The following DNAH12 variants were observed in gnomAD, a reference collection of about 807,000 sequenced individuals.
DNAH12 encodes dynein axonemal heavy chain 12.
DNAH12 carries 285 observed loss-of-function variants against 371.5 expected under a neutral mutation model. The ratio of observed to expected loss-of-function variants is 0.77; its 90% CI spans 0.70 to 0.85. The LOEUF (loss-of-function observed/expected upper bound fraction) is 0.85, where lower values mean the gene tolerates loss of function less well. Among genes scored for constraint, DNAH12 ranks in the 40% least tolerant of loss-of-function variants. DNAH12 has a pLI of 0.00. For synonymous variants in DNAH12, 1,200 were observed against 1,213.0 expected (o/e 0.99, Z 0.22); for missense variants, 3,611 against 3,689.4 (o/e 0.98, Z 0.55).
chr3:57,510,598 C>T (rs2067953789), intron 5 of DNAH12, among the ~76,000 whole-genome samples, 192 bp downstream of exon 5: 1 of 152,074 alleles, frequency 6.6e-6, no homozygotes, highest in South Asian at 2.1e-4. Flanking sequence ...CGAAATAGCA[C>T]CACTGCACTC....
In DNAH12 at chr3:57,509,174, C is replaced by T; in HGVS notation, c.508G>A (p.Glu170Lys). 1 of 1,613,830 alleles carries T rather than the reference C, an allele frequency of 6.2e-7. No individual in the cohort carries two copies. Among genetic ancestry groups the T allele is most frequent in the Non-Finnish European group, 8.5e-7 (1 of 1,179,952 alleles). The change falls in exon 6 of 74, where the codon GAA becomes AAA. Residue 170 changes from glutamate (E) to lysine (K), a missense_variant. By Grantham distance (56) the Glu-to-Lys change is moderately conservative. Transcript: ENST00000495027. ...TCAGGTAAAGGACCTCCTTCATCTT[C>T]AAGCGATTTAACTGGTGGTTTCACA... ...VLVKPPVKSL[E>K]DEGGPLPESP...
intron 26 of DNAH12, 67 bp downstream of exon 26, chr3:57,446,470 A>G: frequency 6.8e-7 from 1 of 1,469,994 alleles, no homozygotes; most frequent in Non-Finnish European, 9.0e-7. Flanking sequence ...GTTTGCTTCC[A>G]TTTATCCAAT....
At chr3:57,380,900 G>A (rs1253872181) in intron 50 of DNAH12, among the ~76,000 whole-genome samples, 4 of 152,136 alleles carry the variant, frequency 2.6e-5, no homozygotes, top group Admixed American at 1.3e-4. Context: ...AGTAAACACT[G>A]AAAGGAAAAT....
chr3:57,323,194 T>G lies in DNAH12; in HGVS notation c.10196A>C (p.Gln3399Pro). The change falls in exon 64 of 74, where the codon CAG (glutamine) becomes CCG (proline). Residue 3399 changes from glutamine (Q) to proline (P), a missense_variant. This residue lies in a region of DNAH12 where 2,266 missense variants were observed against 2,236.9 expected (regional missense o/e 1.01). Transcript: ENST00000495027. The stretch of plus-strand genomic sequence containing the variant: ...TTTTGCTGCAATCGGTCCTTGTCCC[T>G]GTCCCAGTGAAATAGCTTGAAACTT... ...GNKFQAISLG[Q>P]GQGPIAAKMI... The G allele has an allele frequency of 1.3e-6, 2 of 1,552,412 alleles. No individual in the cohort carries two copies. The highest frequency in any genetic ancestry group is 2.4e-5 in the South Asian group (2 of 84,064).
At chr3:57,500,332 C>T (rs4681987) in intron 11 of DNAH12, among the ~76,000 whole-genome samples, 64,438 of 152,032 alleles carry the variant, frequency 0.42, 15,251 homozygotes, top group South Asian at 0.58. Flanking sequence ...TGAGCCACTG[C>T]ACCCAGCCCA....
intron 13 of DNAH12, among the ~76,000 whole-genome samples, chr3:57,477,389 C>T (rs1045478172): frequency 8.5e-5 from 13 of 152,276 alleles, no homozygotes; most frequent in Middle Eastern, 3.4e-3. Flanking sequence ...GGGCGCCCGC[C>T]ATTGCCGAGG....
At chr3:57,551,893 G>A in the DNAH12 span, among the ~76,000 whole-genome samples, 1 of 148,744 alleles carries the variant, frequency 6.7e-6, no homozygotes, top group Non-Finnish European at 1.5e-5. Flanking sequence ...AATAATTAAT[G>A]TTTCAGTATT....
chr3:57,371,941 C>CAAAAAAAAAAAAAA (rs1169602185), intron 55 of DNAH12, among the ~76,000 whole-genome samples: 1,432 of 25,462 alleles, frequency 0.056, 96 homozygotes, highest in Non-Finnish European at 0.082. Flanking sequence ...CTAAACTCAG[C>CAAAAAAAAAAAAAA]AAAAAAAAAA....
intron 8 of DNAH12, among the ~76,000 whole-genome samples, chr3:57,505,078 G>A (rs1300346061): frequency 6.6e-6 from 1 of 151,984 alleles, no homozygotes; most frequent in Non-Finnish European, 1.5e-5. Context: ...TGTAGAGACA[G>A]GGTTTTGTCA....
At chr3:57,472,517 C>T in intron 14 of DNAH12, 29 bp downstream of exon 14, 1 of 1,530,662 alleles carries the variant, frequency 6.5e-7, no homozygotes, top group Non-Finnish European at 8.8e-7. Flanking sequence ...TGTCAGATTA[C>T]AAAAATACAT....
chr3:57,323,591 G>A lies in DNAH12; in HGVS notation c.10007C>T (p.Thr3336Ile), dbSNP rs2061860529. 1.3e-6 allele frequency: 2 copies of A among 1,549,178 alleles called. No individual in the cohort carries two copies. The highest frequency in any genetic ancestry group is 2.7e-5 in the African/African-American group (2 of 73,000). ...KITPAITNYV[T>I]DKLGKKFVEP... is the part of the protein sequence containing the mutation. ...TACAAACTTTTTCCCTAGTTTGTCA[G>A]TTACATAGTTTGTTATAGCTGGGGT... Residue 3336 changes from threonine (T) to isoleucine (I), a missense_variant, in exon 63 of 74, where the codon ACT (threonine) becomes ATT (isoleucine). Thr to Ile is a moderately conservative substitution (Grantham distance 89). Around this residue, in one of 3 missense-constraint regions of DNAH12, gnomAD observed 2,266 missense variants for 2,236.9 expected, o/e 1.01. Coordinates refer to ENST00000495027, the MANE Select transcript of DNAH12 (RefSeq NM_001366028.2).
intron 8 of DNAH12, among the ~76,000 whole-genome samples, chr3:57,506,690 C>T (rs2067771241): frequency 6.6e-6 from 1 of 152,082 alleles, no homozygotes; most frequent in Admixed American, 6.5e-5. Context: ...GATCCACCTG[C>T]CTGGGCCTCC....
At chr3:57,383,314 A>G (rs1196871501) in intron 49 of DNAH12, among the ~76,000 whole-genome samples, 1 of 152,166 alleles carries the variant, frequency 6.6e-6, no homozygotes, top group East Asian at 1.9e-4. Context: ...ACAGCATTTG[A>G]TATCAGGAAG....
At chr3:57,436,222 A>G (rs1365819025) in intron 30 of DNAH12, among the ~76,000 whole-genome samples, 2 of 152,168 alleles carry the variant, frequency 1.3e-5, no homozygotes, top group East Asian at 1.9e-4. Flanking sequence ...TAACATATAT[A>G]TAACTTTTAC....
intron 4 of DNAH12, among the ~76,000 whole-genome samples, chr3:57,514,683 T>C (rs763500849): frequency 1.1e-4 from 16 of 151,976 alleles, no homozygotes; most frequent in Non-Finnish European, 2.2e-4. Flanking sequence ...CTGCTCAAAG[T>C]ATAAGTAAAA....
intron 13 of DNAH12, among the ~76,000 whole-genome samples, chr3:57,475,006 C>G (rs895590889): frequency 6.7e-6 from 1 of 148,684 alleles, no homozygotes; most frequent in Admixed American, 6.8e-5. Flanking sequence ...ACAGAACAAG[C>G]TGCCTCAAAA....
chr3:57,502,844 C>T (rs1378847283), intron 9 of DNAH12, among the ~76,000 whole-genome samples: 1 of 152,114 alleles, frequency 6.6e-6, no homozygotes, highest in African/African-American at 2.4e-5. Context: ...CATGCCTGGC[C>T]TATTTTTTGT....
At chr3:57,454,690 C>T in intron 23 of DNAH12, 85 bp downstream of exon 23, 1 of 1,501,206 alleles carries the variant, frequency 6.7e-7, no homozygotes, top group Non-Finnish European at 9.0e-7. Context: ...GGTAGCATAG[C>T]AAGATCTCAT....
chr3:57,349,027 CAG>C (rs10588646), intron 60 of DNAH12, among the ~76,000 whole-genome samples: 48,514 of 151,840 alleles, frequency 0.32, 8,429 homozygotes, highest in African/African-American at 0.45. Flanking sequence ...AAATAATCAG[CAG>C]AGTTAACAGA....
Sources: gnomAD v4.1 joint callset for allele counts (sites outside exome capture counted in the v4.1 genomes callset) on GRCh38, gnomAD v4.1.1 for gene constraint, gnomAD v4.1.1 regional missense constraint, MANE v1.5 for transcripts, NCBI Gene and HGNC (gene_info 2026-07-23, HGNC 2026-07-21) for gene names.